The following ADAM12 variants were observed in gnomAD, a reference collection of about 807,000 sequenced individuals.
ADAM12 encodes ADAM metallopeptidase domain 12, also known as disintegrin and metalloproteinase domain-containing protein 12.
In ADAM12, 70 loss-of-function variants were observed where a neutral mutation model predicts 106.4. The ratio of observed to expected loss-of-function variants is 0.66; its 90% confidence interval spans 0.54 to 0.80. The LOEUF (loss-of-function observed/expected upper bound fraction) is 0.80. Among genes scored for constraint, ADAM12 ranks in the 30% least tolerant of loss-of-function variants. The pLI, the probability that ADAM12 is intolerant of heterozygous loss-of-function variation, is 0.00. For missense variants in ADAM12, 1,010 were observed against 1,171.9 expected, an observed-to-expected ratio of 0.86 and a Z score of 2.02; for synonymous variants, 420 against 433.5, an observed-to-expected ratio of 0.97 and a Z score of 0.39.
intron 11 of ADAM12, among the ~76,000 whole-genome samples, chr10:126,079,289 C>T (rs59364818): frequency 0.013 from 2,021 of 152,234 alleles, 38 homozygotes; most frequent in African/African-American, 0.044. Flanking sequence ...TCCCCCCACC[C>T]CTCAAACAAA....
chr10:126,051,806 C>A (rs1954511443), intron 14 of ADAM12, among the ~76,000 whole-genome samples: 1 of 152,126 alleles, frequency 6.6e-6, no homozygotes, highest in African/African-American at 2.4e-5. Flanking sequence ...TTGAAAATTG[C>A]AAGGAGACAC....
intron 2 of ADAM12, among the ~76,000 whole-genome samples, chr10:126,324,609 G>A (rs918517360): frequency 2.0e-5 from 3 of 152,172 alleles, no homozygotes; most frequent in Admixed American, 6.5e-5. Context: ...GAAGGCAGTG[G>A]TAGACAGCAG....
rs1855276917 is a variant in ADAM12, at chr10:126,349,599, T to C, written c.89-19090A>G. 3.9e-5 allele frequency among the ~76,000 whole-genome samples: 6 copies of C among 152,152 alleles called. No homozygotes were observed. In the South Asian group the frequency reaches 1.2e-3, roughly 32 times the overall value. Reference sequence around the variant, plus strand: ...ATAAAATAAGAGACAGGAATCCAAATATATCCACTATAAAATAAACATTTG... The same window carrying C: ...ATAAAATAAGAGACAGGAATCCAAACATATCCACTATAAAATAAACATTTG... On this transcript the variant is annotated intron_variant, in intron 1 of 22. Coordinates refer to ENST00000448723, the MANE Select transcript of ADAM12 (RefSeq NM_001288973.2).
At chr10:126,359,307 C>T (rs888139928) in intron 1 of ADAM12, among the ~76,000 whole-genome samples, 1 of 152,124 alleles carries the variant, frequency 6.6e-6, no homozygotes, top group Non-Finnish European at 1.5e-5. Context: ...TCCCAACAGT[C>T]CCCCAAAGTC....
chr10:126,027,833 G>A (rs564208617), intron 21 of ADAM12, among the ~76,000 whole-genome samples: 5 of 152,260 alleles, frequency 3.3e-5, no homozygotes, highest in African/African-American at 9.6e-5. Flanking sequence ...AGTCAACATA[G>A]TATTGGAAGT....
chr10:126,197,867 G>A (rs1271607348), intron 3 of ADAM12, among the ~76,000 whole-genome samples: 1 of 152,184 alleles, frequency 6.6e-6, no homozygotes, highest in Non-Finnish European at 1.5e-5. Context: ...ATGCTTCACA[G>A]GCCTGAAAGC....
chr10:126,384,584 G>C (rs1856595888), intron 1 of ADAM12, among the ~76,000 whole-genome samples: 1 of 151,858 alleles, frequency 6.6e-6, no homozygotes, highest in Non-Finnish European at 1.5e-5. Flanking sequence ...TAGGAAAGAT[G>C]ACATCAGGAA....
At chr10:126,252,521 C>A (rs1958807034) in intron 3 of ADAM12, among the ~76,000 whole-genome samples, 1 of 152,174 alleles carries the variant, frequency 6.6e-6, no homozygotes, top group African/African-American at 2.4e-5. Flanking sequence ...AGTCTAAAGG[C>A]TGGAGACCTG....
At chr10:126,303,663 A>G (rs1054038628) in intron 2 of ADAM12, among the ~76,000 whole-genome samples, 2 of 152,228 alleles carry the variant, frequency 1.3e-5, no homozygotes, top group East Asian at 3.8e-4. Context: ...CAGGGAAATA[A>G]GCAATATGTT....
At chr10:126,205,781 A>T (rs944718274) in intron 3 of ADAM12, among the ~76,000 whole-genome samples, 2 of 152,252 alleles carry the variant, frequency 1.3e-5, no homozygotes, top group African/African-American at 4.8e-5. Context: ...GATGATGTAT[A>T]ACATGTTACT....
chr10:126,145,117 G>A (rs941747398), intron 4 of ADAM12, among the ~76,000 whole-genome samples: 1 of 152,168 alleles, frequency 6.6e-6, no homozygotes. Flanking sequence ...GGCACATTAT[G>A]TCATATGTTG....
intron 6 of ADAM12, among the ~76,000 whole-genome samples, chr10:126,114,770 A>G (rs1955949469): frequency 6.6e-6 from 1 of 152,164 alleles, no homozygotes; most frequent in African/African-American, 2.4e-5. Flanking sequence ...GTGAGCCCCC[A>G]CCACCAAGCT....
intron 3 of ADAM12, among the ~76,000 whole-genome samples, chr10:126,191,606 T>C (rs1182568077): frequency 6.7e-6 from 1 of 149,144 alleles, no homozygotes; most frequent in Non-Finnish European, 1.5e-5. Context: ...AAGACTAAGG[T>C]GGGGGGAATA....
intron 4 of ADAM12, among the ~76,000 whole-genome samples, chr10:126,152,925 G>A (rs1425357092): frequency 6.6e-6 from 1 of 152,034 alleles, no homozygotes; most frequent in East Asian, 1.9e-4. Flanking sequence ...AAATCTATTA[G>A]CTCATCTGGT....
intron 3 of ADAM12, among the ~76,000 whole-genome samples, chr10:126,159,171 A>G (rs944405979): frequency 7.2e-5 from 11 of 151,858 alleles, no homozygotes; most frequent in African/African-American, 1.5e-4. Context: ...TTAGCCGGGC[A>G]CGGTGGTGGG....
At chr10:126,188,398 A>G (rs1957437843) in intron 3 of ADAM12, among the ~76,000 whole-genome samples, 1 of 152,146 alleles carries the variant, frequency 6.6e-6, no homozygotes, top group African/African-American at 2.4e-5. Context: ...CCACACATAA[A>G]ACGTGCATCG....
At chr10:126,356,660 TA>T (rs1855552526) in intron 1 of ADAM12, among the ~76,000 whole-genome samples, 1 of 152,166 alleles carries the variant, frequency 6.6e-6, no homozygotes, top group African/African-American at 2.4e-5. Flanking sequence ...TGGATATCTA[TA>T]AAGTGATAAA....
At chr10:126,363,128 A>G (rs1052808699) in intron 1 of ADAM12, among the ~76,000 whole-genome samples, 6 of 152,222 alleles carry the variant, frequency 3.9e-5, no homozygotes, top group African/African-American at 1.4e-4. Flanking sequence ...ATTAAATTGT[A>G]ATCAAGTATT....
intron 14 of ADAM12, among the ~76,000 whole-genome samples, chr10:126,051,536 CCCATCCATCCATCCATCCATCCAT>C (rs61278142): frequency 0.12 from 13,887 of 118,950 alleles, 1,421 homozygotes; most frequent in East Asian, 0.38. Flanking sequence ...CAGCCAGCCA[CCCATCCATCCATCCATCCATCCAT>C]CCATCCATCC....
Sources: gnomAD v4.1 joint callset for allele counts (sites outside exome capture counted in the v4.1 genomes callset) on GRCh38, gnomAD v4.1.1 for gene constraint, MANE v1.5 for transcripts, NCBI Gene and HGNC (gene_info 2026-07-23, HGNC 2026-07-21) for gene names.